Variants in APEX2 observed in about 807,000 individuals in gnomAD.
APEX2 encodes the protein DNA-(apurinic or apyrimidinic site) endonuclease 2.
APEX2 carries 4 observed loss-of-function variants against 16.7 expected under a neutral mutation model. The observed-to-expected ratio is 0.24, with a 90% CI of 0.12 to 0.55. The LOEUF is 0.55. Among genes scored for constraint, APEX2 ranks in the 20% least tolerant of loss-of-function variants. APEX2 has a pLI of 0.94. For synonymous variants in APEX2, 181 were observed against 166.9 expected (o/e 1.08, Z -0.65); for missense variants, 357 against 433.6 (o/e 0.82, Z 1.57).
At chrX:55,004,158 T>G (rs1199859555) in intron 5 of APEX2, among the ~76,000 whole-genome samples, 1 of 112,179 alleles carries the variant, frequency 8.9e-6, no homozygotes, top group Non-Finnish European at 1.9e-5. Context: ...GCTAGCCAAT[T>G]ATAGGATGGT....
chrX:55,003,423 T>C (rs988466384), intron 4 of APEX2, among the ~76,000 whole-genome samples: 1 of 112,082 alleles, frequency 8.9e-6, no homozygotes, highest in Non-Finnish European at 1.9e-5. Context: ...GAGATGAGAA[T>C]GGTAAAGTGC....
intron 3 of APEX2, 84 bp downstream of exon 3, chrX:55,002,515 T>C (rs1026866596): frequency 7.6e-6 from 8 of 1,045,978 alleles, no homozygotes; most frequent in Admixed American, 3.3e-5. Context: ...CATGTAAACA[T>C]ACATGCACCG....
chrX:55,007,402 G>C lies in APEX2; in HGVS notation c.1524G>C (p.Arg508=), dbSNP rs1169560885. The C allele has an allele frequency of 8.5e-7, 1 of 1,177,180 alleles. No individual in the cohort carries two copies. Among genetic ancestry groups the C allele is most frequent in the Admixed American group, 2.3e-5 (1 of 42,834 alleles). The change falls in exon 6 of 6, where the codon CGG becomes CGC. Residue 508 remains arginine (R), a synonymous_variant. Transcript: ENST00000374987. ...PRGPPTDPSS[R]CNFFLWSRPS is the part of the protein sequence containing the mutation. ...GTCCTCCCACTGACCCCTCCTCCCG[G>C]TGCAACTTCTTCCTCTGGAGCAGGC...
chrX:55,006,445 G>C lies in APEX2; in HGVS notation c.640-73G>C, dbSNP rs1935498903. 4 of 929,103 alleles carry C rather than the reference G, an allele frequency of 4.3e-6. No individual in the cohort carries two copies. The Admixed American group carries it at 1.4e-4, about 33-fold the overall frequency. The allele number at this position is 929,103 out of a possible 1,213,427, so 76.6% of individuals were successfully genotyped here. ...TCTTATTTGCAAAATGCAGCAGTTA[G>C]TCTAAGTCCCTTCCAGTTCTAGGTA... On this transcript the variant is annotated intron_variant, in intron 5 of 5. Transcript: ENST00000374987.
At position 55,007,687 on chromosome X, in the gene APEX2, C is replaced by A. The variant is rs777896631; in HGVS notation, c.*252C>A. 15 of 312,661 alleles carry A rather than the reference C, an allele frequency of 4.8e-5. No individual in the cohort carries two copies. The South Asian group carries it at 2.2e-3, about 46-fold the overall frequency. The allele number at this position is 312,661 out of a possible 1,213,427, so 25.8% of individuals were successfully genotyped here. ...TCCGAAGTACACGGACACTAGCTGC[C>A]CCAGGAAGTTGTGTGATTTTAAATC... On this transcript the variant is annotated 3_prime_UTR_variant, in exon 6 of 6. Coordinates refer to ENST00000374987, the MANE Select transcript of APEX2 (RefSeq NM_014481.4).
chrX:55,000,970 C>T (rs1386797274), intron 1 of APEX2, among the ~76,000 whole-genome samples: 1 of 108,534 alleles, frequency 9.2e-6, no homozygotes, highest in Non-Finnish European at 1.9e-5. Context: ...CCAGCTCAGT[C>T]TAATTTCCTC....
chrX:55,003,264 A>G (rs1864602040), intron 4 of APEX2, among the ~76,000 whole-genome samples, 156 bp downstream of exon 4: 1 of 112,764 alleles, frequency 8.9e-6, no homozygotes, highest in South Asian at 3.6e-4. Flanking sequence ...GGCTCTGCTC[A>G]AAACAAACAT....
chrX:55,005,921 C>T (rs1935492483), intron 5 of APEX2, among the ~76,000 whole-genome samples: 2 of 110,420 alleles, frequency 1.8e-5, no homozygotes, highest in South Asian at 7.8e-4. Flanking sequence ...ATGCATGGCA[C>T]ATAATAGGTA....
In APEX2 at chrX:55,008,936, C is replaced by T; in HGVS notation, c.*1501C>T. 2 of 398,141 alleles carry T rather than the reference C, an allele frequency of 5.0e-6. No individual in the cohort carries two copies. The highest frequency in any genetic ancestry group is 8.8e-6 in the Non-Finnish European group (2 of 225,999). The allele number at this position is 398,141 out of a possible 1,213,427, so 32.8% of individuals were successfully genotyped here. A position where few individuals can be genotyped will look rare whatever the true frequency, so the allele number is the denominator to read the frequency against. On this transcript the variant is annotated 3_prime_UTR_variant, in exon 6 of 6. Coordinates refer to ENST00000374987, the MANE Select transcript of APEX2 (RefSeq NM_014481.4). ...TCCTTCCTCTTTCTCATTCTGTTTC[C>T]CTGTTGGTAAAATGGAATGGTGACC...
Position 55,006,911 on chromosome X carries a change from C to T in APEX2, c.1033C>T (p.Pro345Ser). ...GCTCAAGATCCTTCGCTTCCTAGTT[C>T]CTCTCGAACAAAGTCCTGTGTTGGA... Reference protein sequence around the residue: ...TQLKILRFLVPLEQSPVLEQS... With the variant: ...TQLKILRFLVSLEQSPVLEQS... The change falls in exon 6 of 6, where the codon CCT becomes TCT. Residue 345 changes from proline (P) to serine (S), a missense_variant. Physicochemically the swap from Pro to Ser is moderately conservative, Grantham distance 74. Coordinates refer to ENST00000374987, the MANE Select transcript of APEX2 (RefSeq NM_014481.4). 1 of 1,211,772 alleles carries T rather than the reference C, an allele frequency of 8.3e-7. No individual in the cohort carries two copies. Among genetic ancestry groups the T allele is most frequent in the African/African-American group, 1.7e-5 (1 of 57,791 alleles).
intron 3 of APEX2, 133 bp downstream of exon 3, chrX:55,002,564 T>C: frequency 2.5e-6 from 2 of 784,500 alleles, no homozygotes; most frequent in Non-Finnish European, 3.5e-6. Flanking sequence ...GGTTTAGTCC[T>C]GGCTGGGCTA....
At chrX:55,001,732 A>T in intron 2 of APEX2, 103 bp downstream of exon 2, 1 of 631,905 alleles carries the variant, frequency 1.6e-6, no homozygotes, top group Middle Eastern at 3.4e-4. Context: ...TTAGACATTT[A>T]GTTTACAGAG....
chrX:55,000,613 T>C, intron 1 of APEX2, 34 bp downstream of exon 1: 1 of 1,166,697 alleles, frequency 8.6e-7, no homozygotes, highest in Non-Finnish European at 1.1e-6. Flanking sequence ...CCCTACATAC[T>C]TTTTCTTTCC....
Position 55,000,398 on chromosome X carries a change from C to T in APEX2, c.-25C>T. On this transcript the variant is annotated 5_prime_UTR_variant, in exon 1 of 6. Transcript: ENST00000374987. ...TCGCTCGCGCCTAGGTTGGCGCGGG[C>T]TGGGAGGTGTTCCAGCCCTTTAAGA... 1 of 1,141,302 alleles carries T rather than the reference C, an allele frequency of 8.8e-7. No homozygotes were observed. Among genetic ancestry groups the T allele is most frequent in the Non-Finnish European group, 1.2e-6 (1 of 859,207 alleles). The allele number at this position is 1,141,302 out of a possible 1,213,427, so 94.1% of individuals were successfully genotyped here. A position where few individuals can be genotyped will look rare whatever the true frequency, so the allele number is the denominator to read the frequency against.
chrX:55,000,608 C>A, intron 1 of APEX2, 29 bp downstream of exon 1: 1 of 1,171,047 alleles, frequency 8.5e-7, no homozygotes. Flanking sequence ...AGGATCCCTA[C>A]ATACTTTTTC....
intron 5 of APEX2, among the ~76,000 whole-genome samples, chrX:55,005,715 G>T (rs1050544458): frequency 1.8e-5 from 2 of 110,548 alleles, no homozygotes; most frequent in Non-Finnish European, 3.8e-5. Context: ...CTCCAGTCTG[G>T]TCTTTCCTCA....
chrX:55,006,042 T>C (rs1174502455), intron 5 of APEX2, among the ~76,000 whole-genome samples: 3 of 107,205 alleles, frequency 2.8e-5, no homozygotes, highest in Admixed American at 2.1e-4. Context: ...CAGACCTGGA[T>C]CCTTGCAGGT....
rs1206511098 is a variant in APEX2, at chrX:55,007,802, C to A, written c.*367C>A. 2 of 159,974 alleles carry A rather than the reference C, an allele frequency of 1.3e-5. No homozygotes were observed. Among genetic ancestry groups the A allele is most frequent in the Non-Finnish European group, 2.4e-5 (2 of 84,841 alleles). 13.2% of individuals were successfully genotyped at this position (159,974 alleles called of 1,213,427 possible). On this transcript the variant is annotated 3_prime_UTR_variant, in exon 6 of 6. Transcript: ENST00000374987. ...GCACTTTGGACATTGTGGAGGTACTCCATAAAGTTGAGTCAGAGAAGCTAT... is the reference window on the plus strand; with the variant it reads ...GCACTTTGGACATTGTGGAGGTACTACATAAAGTTGAGTCAGAGAAGCTAT...
chrX:55,001,183 AC>A (rs1361955254), intron 1 of APEX2, among the ~76,000 whole-genome samples: 1 of 101,358 alleles, frequency 9.9e-6, no homozygotes. Context: ...CCTCTCTCTT[AC>A]CTCTCACCCT....
Sources: gnomAD v4.1 joint callset for allele counts (sites outside exome capture counted in the v4.1 genomes callset) on GRCh38, gnomAD v4.1.1 for gene constraint, MANE v1.5 for transcripts, NCBI Gene and HGNC (gene_info 2026-07-23, HGNC 2026-07-21) for gene names.